USP34: variants seen among roughly 807,000 people sequenced by gnomAD.
USP34 encodes the protein ubiquitin carboxyl-terminal hydrolase 34.
A neutral mutation model predicts 460.3 loss-of-function variants in USP34; 70 were observed. That is an observed-to-expected ratio of 0.15 (90% confidence interval 0.13 to 0.19). The LOEUF (loss-of-function observed/expected upper bound fraction) is 0.19. Ranked by LOEUF, USP34 falls within the 10% of genes least tolerant of loss-of-function variation. USP34 has a pLI of 1.00. For missense variants in USP34, 3,985 were observed against 4,236.2 expected, an observed-to-expected ratio of 0.94 and a Z score of 1.65; for synonymous variants, 1,647 against 1,405.3, an observed-to-expected ratio of 1.17 and a Z score of -3.85.
chr2:61,335,350 C>T (rs1691385329), intron 18 of USP34, among the ~76,000 whole-genome samples: 2 of 152,168 alleles, frequency 1.3e-5, no homozygotes, highest in African/African-American at 4.8e-5. Flanking sequence ...GTGTTATAGT[C>T]AAACTTACAT....
intron 53 of USP34, among the ~76,000 whole-genome samples, chr2:61,237,745 ATT>A (rs1217415827): frequency 7.5e-6 from 1 of 132,880 alleles, no homozygotes; most frequent in Admixed American, 7.5e-5. Flanking sequence ...TTATTTTTGT[ATT>A]TTTTTTTTTG....
intron 16 of USP34, among the ~76,000 whole-genome samples, chr2:61,341,410 T>C (rs973736296): frequency 6.6e-6 from 1 of 152,184 alleles, no homozygotes; most frequent in Non-Finnish European, 1.5e-5. Context: ...CCAAATCTCA[T>C]GTTGAAATGT....
intron 35 of USP34, 149 bp from the exon 36 acceptor site, chr2:61,283,598 AGAGAGAGTGT>A: frequency 1.4e-6 from 1 of 712,854 alleles, no homozygotes; most frequent in Non-Finnish European, 2.3e-6. Context: ...AGTGAGAGTG[AGAGAGAGTGT>A]GAGTGTGTGT....
intron 2 of USP34, chr2:61,416,741 T>C (rs1038535695): frequency 8.2e-6 from 3 of 368,002 alleles, no homozygotes; most frequent in South Asian, 4.6e-5. Flanking sequence ...TCCTATTCTA[T>C]TCCCAATCAT....
chr2:61,370,441 T>C (rs1282571035), intron 9 of USP34, 28 bp from the exon 10 acceptor site: 2 of 1,612,938 alleles, frequency 1.2e-6, no homozygotes, highest in African/African-American at 2.7e-5. Context: ...AATATCAATT[T>C]TTAAAAATAT....
At chr2:61,230,522 T>A (rs1687862803) in intron 58 of USP34, among the ~76,000 whole-genome samples, 1 of 151,432 alleles carries the variant, frequency 6.6e-6, no homozygotes, top group African/African-American at 2.4e-5. Context: ...AGACTCCAAC[T>A]CAAAAACAAC....
intron 62 of USP34, among the ~76,000 whole-genome samples, chr2:61,224,640 G>C (rs571975718): frequency 1.3e-5 from 2 of 152,268 alleles, no homozygotes; most frequent in Admixed American, 1.3e-4. Context: ...ATAAATGCTT[G>C]ATACTGTTTT....
At chr2:61,433,544 G>C (rs1694735186) in intron 1 of USP34, among the ~76,000 whole-genome samples, 1 of 152,180 alleles carries the variant, frequency 6.6e-6, no homozygotes, top group Non-Finnish European at 1.5e-5. Flanking sequence ...TGAGGCAGGA[G>C]AATCACTTGA....
intron 68 of USP34, among the ~76,000 whole-genome samples, chr2:61,213,387 T>C (rs1687322042): frequency 6.6e-6 from 1 of 151,638 alleles, no homozygotes; most frequent in Non-Finnish European, 1.5e-5. Flanking sequence ...TTACACCATC[T>C]AGAAAAAAAA....
intron 21 of USP34, among the ~76,000 whole-genome samples, chr2:61,322,630 T>C (rs541514707): frequency 3.3e-5 from 5 of 152,278 alleles, no homozygotes; most frequent in South Asian, 2.1e-4. Context: ...TTGGGAAAAG[T>C]AGATGAAATG....
chr2:61,237,404 C>A (rs1688099082), intron 53 of USP34, among the ~76,000 whole-genome samples: 1 of 152,122 alleles, frequency 6.6e-6, no homozygotes, highest in South Asian at 2.1e-4. Context: ...TACTGGTCAA[C>A]ATGATCTCCT....
intron 5 of USP34, among the ~76,000 whole-genome samples, chr2:61,384,753 G>A (rs575292845): frequency 3.9e-5 from 6 of 152,088 alleles, no homozygotes; most frequent in Admixed American, 2.6e-4. Flanking sequence ...AATAAAAGAC[G>A]TCTATAAAAA....
intron 18 of USP34, 66 bp downstream of exon 18, chr2:61,339,285 C>T: frequency 2.7e-6 from 4 of 1,505,288 alleles, no homozygotes; most frequent in Non-Finnish European, 3.6e-6. Context: ...ACCTAGTCAA[C>T]AAGAATGTCC....
At chr2:61,223,740 C>T (rs1047108661) in intron 62 of USP34, 3 of 163,608 alleles carry the variant, frequency 1.8e-5, no homozygotes, top group Admixed American at 6.1e-5. Flanking sequence ...GTGATGTGAT[C>T]GCAGCTCACT....
At chr2:61,326,204 T>A (rs1043481814) in intron 20 of USP34, among the ~76,000 whole-genome samples, 4 of 151,874 alleles carry the variant, frequency 2.6e-5, no homozygotes, top group African/African-American at 9.7e-5. Context: ...TTTTAAAAAT[T>A]TGTGTATTTG....
At chr2:61,313,794 G>A (rs190209368) in intron 25 of USP34, among the ~76,000 whole-genome samples, 1 of 152,010 alleles carries the variant, frequency 6.6e-6, no homozygotes, top group South Asian at 2.1e-4. Context: ...TTATTTATAA[G>A]GAATGTATAA....
chr2:61,259,870 C>A (rs1431052313), intron 43 of USP34, 94 bp from the exon 44 acceptor site: 1 of 1,094,376 alleles, frequency 9.1e-7, no homozygotes, highest in East Asian at 2.4e-5. Context: ...TACACTGTAT[C>A]TGTTTTCATT....
At chr2:61,341,391 T>C (rs796207507) in intron 16 of USP34, among the ~76,000 whole-genome samples, 1 of 152,218 alleles carries the variant, frequency 6.6e-6, no homozygotes, top group African/African-American at 2.4e-5. Flanking sequence ...TTTGAATGTT[T>C]TGTCCCCTCC....
chr2:61,404,286 AT>A (rs942932734), intron 3 of USP34, among the ~76,000 whole-genome samples: 131 of 152,248 alleles, frequency 8.6e-4, no homozygotes, highest in Middle Eastern at 6.8e-3. Context: ...AACAAAAAAA[AT>A]GTCATAGATT....
Sources: allele counts gnomAD v4.1 joint callset (sites outside exome capture counted in the v4.1 genomes callset), GRCh38; gene constraint gnomAD v4.1.1; transcripts MANE v1.5; gene names NCBI Gene and HGNC (gene_info 2026-07-23, HGNC 2026-07-21).